Variants in PPP2R1B observed in about 807,000 individuals in gnomAD.
PPP2R1B encodes protein phosphatase 2 scaffold subunit Abeta.
PPP2R1B carries 58 observed loss-of-function variants against 72.7 expected under a neutral mutation model. The ratio of observed to expected loss-of-function variants is 0.80; its 90% CI spans 0.65 to 0.99. The LOEUF (loss-of-function observed/expected upper bound fraction) is 0.99. Among genes scored for constraint, PPP2R1B ranks in the 50% least tolerant of loss-of-function variants. The probability of loss-of-function intolerance (pLI) is 0.00; values close to 1 mark genes in which losing one functional copy is unlikely to be tolerated. For synonymous variants in PPP2R1B, 256 were observed against 264.6 expected (o/e 0.97, Z 0.32); for missense variants, 695 against 733.6 (o/e 0.95, Z 0.61).
intron 10 of PPP2R1B, among the ~76,000 whole-genome samples, chr11:111,748,745 T>G (rs951322553): frequency 1.3e-5 from 2 of 152,252 alleles, no homozygotes; most frequent in African/African-American, 4.8e-5. Context: ...ACAGTCTTGC[T>G]TCTTTGAACT....
chr11:111,763,798 A>G (rs1433890313), intron 3 of PPP2R1B, among the ~76,000 whole-genome samples: 2 of 152,104 alleles, frequency 1.3e-5, no homozygotes, highest in African/African-American at 2.4e-5. Flanking sequence ...TACCTGTTTG[A>G]CATACAAGTA....
At chr11:111,744,852 C>T (rs546728038) in intron 11 of PPP2R1B, among the ~76,000 whole-genome samples, 1 of 152,288 alleles carries the variant, frequency 6.6e-6, no homozygotes, top group African/African-American at 2.4e-5. Flanking sequence ...ATTATCAACA[C>T]TTAAACTGAC....
chr11:111,696,698 T>C, the PPP2R1B span, among the ~76,000 whole-genome samples: 1 of 152,192 alleles, frequency 6.6e-6, no homozygotes, highest in East Asian at 1.9e-4. Context: ...AGTCAGATGA[T>C]GATGTGGAGT....
At chr11:111,743,649 C>T in intron 11 of PPP2R1B, 119 bp from the exon 12 acceptor site, 1 of 1,186,126 alleles carries the variant, frequency 8.4e-7, no homozygotes, top group Non-Finnish European at 1.2e-6. Flanking sequence ...AATCAGACTC[C>T]ACATGTAATC....
chr11:111,755,357 G>T lies in PPP2R1B; in HGVS notation c.781C>A (p.Arg261=). ...CAAGATTTATCTTCTGCTGCTTGTC[G>T]AAGTGTAGGCATCACCAAAGTCTCA... The part of the protein sequence containing the change: ...DLETLVMPTL[R]QAAEDKSWRV... Residue 261 remains arginine (R), a synonymous_variant, in exon 6 of 15, where the codon CGA becomes AGA. Transcript: ENST00000527614. The T allele has an allele frequency of 6.2e-7, 1 of 1,613,520 alleles. No individual in the cohort carries two copies. The highest frequency in any genetic ancestry group is 8.5e-7 in the Non-Finnish European group (1 of 1,179,914).
chr11:111,731,985 C>A (rs958943193), intron 15 of PPP2R1B, among the ~76,000 whole-genome samples: 1 of 152,242 alleles, frequency 6.6e-6, no homozygotes, highest in African/African-American at 2.4e-5. Flanking sequence ...CAACCCCGCA[C>A]TCCCCAGGAC....
chr11:111,721,704 TTGAG>T, the PPP2R1B span: 3 of 622,968 alleles, frequency 4.8e-6, no homozygotes, highest in Non-Finnish European at 8.1e-6. Flanking sequence ...TGTAAAAGCT[TTGAG>T]TATTAATAAG....
the PPP2R1B span, among the ~76,000 whole-genome samples, chr11:111,689,868 A>G: frequency 6.6e-6 from 1 of 152,080 alleles, no homozygotes; most frequent in Admixed American, 6.5e-5. Context: ...GTTACAGGAT[A>G]TGTAATGGAT....
downstream of PPP2R1B, chr11:111,725,349 C>CAAAG (rs148246535): frequency 2.0e-5 from 3 of 152,738 alleles, no homozygotes; most frequent in African/African-American, 7.2e-5. Context: ...CAGCAATATT[C>CAAAG]AAAGAAAGAA....
chr11:111,741,989 A>G (rs373893060), intron 14 of PPP2R1B, 64 bp downstream of exon 14: 47 of 1,334,006 alleles, frequency 3.5e-5, no homozygotes, highest in Non-Finnish European at 4.9e-5. Flanking sequence ...CACCTCTCAC[A>G]TAATAGAGAT....
chr11:111,721,967 C>T, downstream of PPP2R1B: 1 of 1,491,254 alleles, frequency 6.7e-7, no homozygotes, highest in South Asian at 1.3e-5. Context: ...GCGAGTCCAC[C>T]TCACTCTGCT....
intron 5 of PPP2R1B, among the ~76,000 whole-genome samples, chr11:111,756,084 C>G (rs990393522): frequency 2.0e-5 from 3 of 151,658 alleles, no homozygotes; most frequent in African/African-American, 4.8e-5. Context: ...GTGGCGGGTG[C>G]CTGTAGTCCC....
At chr11:111,765,195 G>C in intron 2 of PPP2R1B, 99 bp downstream of exon 2, 5 of 1,237,476 alleles carry the variant, frequency 4.0e-6, no homozygotes, top group Non-Finnish European at 5.7e-6. Context: ...AAAACACCTG[G>C]CTCATTTTAA....
the PPP2R1B span, chr11:111,720,106 G>C: frequency 8.9e-7 from 1 of 1,120,606 alleles, no homozygotes; most frequent in Non-Finnish European, 1.3e-6. Context: ...AAATTGAGTC[G>C]ATAGCTTATT....
chr11:111,707,924 C>T, the PPP2R1B span, among the ~76,000 whole-genome samples: 4 of 152,142 alleles, frequency 2.6e-5, no homozygotes, highest in Admixed American at 6.5e-5. Flanking sequence ...AACAGCAATA[C>T]GTACTTCATT....
Position 111,727,017 on chromosome 11 carries a change from AGT to A in PPP2R1B, c.1950_1951del (p.Leu651CysfsTer22). 1 of 1,614,094 alleles carries A rather than the reference AGT, an allele frequency of 6.2e-7. No individual in the cohort carries two copies. Among genetic ancestry groups the A allele is most frequent in the Non-Finnish European group, 8.5e-7 (1 of 1,179,996 alleles). On this transcript the variant is annotated frameshift_variant, in exon 16 of 16. Transcript: ENST00000311129. LOFTEE classifies it high-confidence loss of function. Reference sequence around the variant, plus strand: ...TAGCTCTGCAATTCCCAGCTGGGCAAGTGTGTCTCTAGTATCTCCACGCAACT... The same window carrying A: ...TAGCTCTGCAATTCCCAGCTGGGCAAGTGTCTCTAGTATCTCCACGCAACT...
At chr11:111,746,049 G>T (rs905974689) in intron 11 of PPP2R1B, among the ~76,000 whole-genome samples, 1 of 152,192 alleles carries the variant, frequency 6.6e-6, no homozygotes, top group Non-Finnish European at 1.5e-5. Flanking sequence ...GAGAAAATCC[G>T]AAAAGAGGAA....
At chr11:111,723,179 G>A (rs974083711), downstream of PPP2R1B, among the ~76,000 whole-genome samples, 13 of 152,180 alleles carry the variant, frequency 8.5e-5, no homozygotes, top group African/African-American at 3.1e-4. Flanking sequence ...CACCTGCAGA[G>A]GCCAAGGTGT....
chr11:111,750,995 T>C (rs1944887782), intron 10 of PPP2R1B, among the ~76,000 whole-genome samples: 1 of 152,150 alleles, frequency 6.6e-6, no homozygotes, highest in Non-Finnish European at 1.5e-5. Flanking sequence ...TGCACCTCCG[T>C]GCCCAGCTAA....
Sources: gnomAD v4.1 joint callset for allele counts (sites outside exome capture counted in the v4.1 genomes callset) on GRCh38, gnomAD v4.1.1 for gene constraint, MANE v1.5 for transcripts, NCBI Gene and HGNC (gene_info 2026-07-23, HGNC 2026-07-21) for gene names.